BLVRA: variants seen among roughly 807,000 people sequenced by gnomAD.
The protein encoded by BLVRA is BVR A.
Under a neutral mutation model 32.8 loss-of-function variants are expected in BLVRA, and 22 were observed. The observed-to-expected ratio is 0.67, with a 90% CI of 0.48 to 0.96. The LOEUF (loss-of-function observed/expected upper bound fraction) is 0.96, where lower values mean the gene tolerates loss of function less well. BLVRA is among the 40% of genes least tolerant of loss of function. The probability of loss-of-function intolerance (pLI) is 0.00; values close to 1 mark genes in which losing one functional copy is unlikely to be tolerated. For synonymous variants in BLVRA, 119 were observed against 141.3 expected (o/e 0.84, Z 1.12); for missense variants, 323 against 358.1 (o/e 0.90, Z 0.79).
Position 43,787,443 on chromosome 7 carries a change from C to T in BLVRA, c.13-461C>T, listed in dbSNP as rs547479415. 6.6e-6 allele frequency among the ~76,000 whole-genome samples: 1 copy of T among 152,268 alleles called. No homozygotes were observed. The highest frequency in any genetic ancestry group is 1.9e-4 in the East Asian group (1 of 5,188). ...GAGTAAGGTGACCAATCATGGTTTG[C>T]CCATTTGCCTCCTCTGCCAGCATCT... is the stretch of plus-strand genomic sequence containing the variant. On this transcript the variant is annotated intron_variant, in intron 2 of 7. Coordinates refer to ENST00000265523, the MANE Select transcript of BLVRA (RefSeq NM_000712.4). This position sits in a 1 kb window ranked among gnomAD's most constrained non-coding sequence, Gnocchi z 4.5.
intron 2 of BLVRA, among the ~76,000 whole-genome samples, chr7:43,779,002 T>C (rs927779778): frequency 6.6e-6 from 1 of 152,250 alleles, no homozygotes; most frequent in African/African-American, 2.4e-5. Flanking sequence ...TTTAAGCCTG[T>C]TGGAAAAGCG....
intron 5 of BLVRA, among the ~76,000 whole-genome samples, chr7:43,795,762 GT>G (rs199731860): frequency 3.3e-4 from 50 of 151,734 alleles, no homozygotes; most frequent in African/African-American, 1.2e-3. Flanking sequence ...ACAAAACCAA[GT>G]TTTTTTGAAA....
intron 7 of BLVRA, among the ~76,000 whole-genome samples, chr7:43,804,300 G>A (rs555151800): frequency 1.4e-4 from 22 of 152,296 alleles, no homozygotes; most frequent in South Asian, 1.2e-3. Context: ...AAATTAGCCG[G>A]TGTGGCGGTG....
chr7:43,789,862 G>A (rs1461941809), intron 3 of BLVRA, among the ~76,000 whole-genome samples: 3 of 141,774 alleles, frequency 2.1e-5, no homozygotes, highest in South Asian at 2.4e-4. Flanking sequence ...GTAGTCTTGT[G>A]GTAGTGGTAT....
At chr7:43,804,727 T>C (rs1040391425) in intron 7 of BLVRA, among the ~76,000 whole-genome samples, 1 of 152,180 alleles carries the variant, frequency 6.6e-6, no homozygotes. Flanking sequence ...TCATACCAGG[T>C]CTTTTTTAAC....
intron 1 of BLVRA, among the ~76,000 whole-genome samples, chr7:43,768,712 T>C (rs1328218308): frequency 6.6e-6 from 1 of 152,126 alleles, no homozygotes. Flanking sequence ...CAAGGGAGAC[T>C]TGAATGAAAG....
chr7:43,758,896 C>T lies in BLVRA; in HGVS notation c.-22+162C>T, dbSNP rs530346008. 6.6e-5 allele frequency among the ~76,000 whole-genome samples: 10 copies of T among 151,988 alleles called. No individual in the cohort carries two copies. In the East Asian group the frequency reaches 1.9e-3, roughly 29 times the overall value. ...CAGCCTGGGCGCCGCCTGCCCCGCC[C>T]CGCCCCGCCCGGGCCCGGAGTGAGG... On this transcript the variant is annotated intron_variant, in intron 1 of 7. Transcript: ENST00000265523.
chr7:43,793,410 G>A (rs2132582739), intron 5 of BLVRA, among the ~76,000 whole-genome samples: 1 of 152,018 alleles, frequency 6.6e-6, no homozygotes, highest in South Asian at 2.1e-4. Flanking sequence ...TAAGTGGGAG[G>A]TAGAGATTTT....
At chr7:43,796,795 A>C (rs1467781846) in intron 5 of BLVRA, among the ~76,000 whole-genome samples, 2 of 152,228 alleles carry the variant, frequency 1.3e-5, no homozygotes, top group Admixed American at 1.3e-4. Context: ...ATATCTGCAA[A>C]TCTTATCTTT....
chr7:43,762,794 T>C (rs2095743848), intron 1 of BLVRA, among the ~76,000 whole-genome samples: 1 of 151,868 alleles, frequency 6.6e-6, no homozygotes, highest in Non-Finnish European at 1.5e-5. Flanking sequence ...GTATTTTTAG[T>C]AGACATGGGG....
chr7:43,767,440 A>G (rs930944119), intron 1 of BLVRA: 1 of 1,548,490 alleles, frequency 6.5e-7, no homozygotes, highest in African/African-American at 1.4e-5. Context: ...TCACAACTAA[A>G]TCTTATATAT....
At chr7:43,799,951 T>C (rs80153786) in intron 5 of BLVRA, among the ~76,000 whole-genome samples, 299 of 152,112 alleles carry the variant, frequency 2.0e-3, no homozygotes, top group Non-Finnish European at 3.4e-3. Flanking sequence ...TTCATTCATT[T>C]CTCTTTTTTT....
chr7:43,789,719 T>C (rs998788616), intron 3 of BLVRA, among the ~76,000 whole-genome samples: 2 of 152,128 alleles, frequency 1.3e-5, no homozygotes, highest in Non-Finnish European at 2.9e-5. Flanking sequence ...ACTCACACTG[T>C]TTCCCTCTTC....
At chr7:43,770,671 C>T (rs699510) in intron 1 of BLVRA, among the ~76,000 whole-genome samples, 125,829 of 152,048 alleles carry the variant, frequency 0.83, 52,521 homozygotes, top group African/African-American at 0.94. Context: ...GGGTCCGGAG[C>T]GGCTTCTTGG....
intron 1 of BLVRA, among the ~76,000 whole-genome samples, chr7:43,762,197 T>C (rs967202310): frequency 6.6e-6 from 1 of 152,092 alleles, no homozygotes; most frequent in African/African-American, 2.4e-5. Flanking sequence ...CTGGCACTGT[T>C]GACATTTTGG....
intron 1 of BLVRA, among the ~76,000 whole-genome samples, chr7:43,770,552 G>T (rs190988248): frequency 2.4e-3 from 369 of 152,146 alleles, no homozygotes; most frequent in African/African-American, 8.5e-3. Flanking sequence ...AAGCCGTGTT[G>T]TTGCTTTCTT....
At chr7:43,780,869 G>A (rs1352685721) in intron 2 of BLVRA, among the ~76,000 whole-genome samples, 1 of 152,162 alleles carries the variant, frequency 6.6e-6, no homozygotes, top group East Asian at 1.9e-4. Context: ...ACAGTAGGCT[G>A]GGCGCCGTGG....
At chr7:43,778,958 C>T (rs2095765257) in intron 2 of BLVRA, among the ~76,000 whole-genome samples, 2 of 152,264 alleles carry the variant, frequency 1.3e-5, no homozygotes, top group African/African-American at 4.8e-5. Flanking sequence ...CCCGCCGAGC[C>T]ATGTGCAGAA....
chr7:43,787,935 G>T lies in BLVRA; in HGVS notation c.44G>T (p.Gly15Val). The T allele has an allele frequency of 6.2e-7, 1 of 1,614,186 alleles. No individual in the cohort carries two copies. Residue 15 changes from glycine to valine, a missense_variant, in exon 3 of 8, where the codon GGT (glycine) becomes GTT (valine). By Grantham distance (109) the Gly-to-Val change is moderately radical. Transcript: ENST00000265523. This position sits in a 1 kb window ranked among gnomAD's most constrained non-coding sequence, Gnocchi z 4.5. Reference sequence around the variant, plus strand: ...AGGAAGTTTGGCGTGGTGGTGGTTGGTGTTGGCCGAGCCGGCTCCGTGCGG... The same window carrying T: ...AGGAAGTTTGGCGTGGTGGTGGTTGTTGTTGGCCGAGCCGGCTCCGTGCGG... ...PERKFGVVVV[G>V]VGRAGSVRMR...
Sources: allele counts gnomAD v4.1 joint callset (sites outside exome capture counted in the v4.1 genomes callset), GRCh38; gene constraint gnomAD v4.1.1; non-coding constraint Gnocchi (gnomAD v3.1); transcripts MANE v1.5; gene names NCBI Gene and HGNC (gene_info 2026-07-23, HGNC 2026-07-21).